Variants in RNF19B observed in about 807,000 individuals in gnomAD.
RNF19B encodes E3 ubiquitin-protein ligase RNF19B.
RNF19B carries 23 observed loss-of-function variants against 65.5 expected under a neutral mutation model. That is an observed-to-expected ratio of 0.35 (90% CI 0.25 to 0.50). The LOEUF (loss-of-function observed/expected upper bound fraction) is 0.50. Ranked by LOEUF, RNF19B falls within the 20% of genes least tolerant of loss-of-function variation. The pLI, the probability that RNF19B is intolerant of heterozygous loss-of-function variation, is 0.98. For synonymous variants in RNF19B, 372 were observed against 379.6 expected (o/e 0.98, Z 0.23); for missense variants, 794 against 980.0 (o/e 0.81, Z 2.53).
At chr1:32,938,586 G>A in intron 7 of RNF19B, 58 bp from the exon 8 acceptor site, 1 of 1,552,208 alleles carries the variant, frequency 6.4e-7, no homozygotes, top group Non-Finnish European at 8.8e-7. Context: ...AAGACAGTCT[G>A]CTTCCTGGCA....
At chr1:32,942,488 A>G (rs1284192050) in intron 6 of RNF19B, 29 bp from the exon 7 acceptor site, 9 of 1,586,770 alleles carry the variant, frequency 5.7e-6, no homozygotes, top group Non-Finnish European at 7.8e-6. Flanking sequence ...ATCCAATTCA[A>G]GACAGCAGAG....
Position 32,944,108 on chromosome 1 carries a change from G to A in RNF19B, c.1313C>T (p.Ser438Phe). The change falls in exon 6 of 9, where the codon TCT (serine) becomes TTT (phenylalanine). Residue 438 changes from serine to phenylalanine, a missense_variant. Around this residue, in one of 3 missense-constraint regions of RNF19B, gnomAD observed 368 missense variants for 447.3 expected, o/e 0.82. Transcript: ENST00000235150. The stretch of plus-strand genomic sequence containing the variant: ...TCCACAGCCGCCTCCACGACAAAGA[G>A]AAATGGGCACAACCCCATAAACATA... The part of the protein sequence containing the change: ...LAYVYGVVPI[S>F]LCRGGGCGVS... 1.2e-6 allele frequency: 2 copies of A among 1,614,050 alleles called. No individual in the cohort carries two copies. The highest frequency in any genetic ancestry group is 1.7e-6 in the Non-Finnish European group (2 of 1,179,970).
chr1:32,936,722 T>C lies in RNF19B; in HGVS notation c.*84A>G, dbSNP rs117807710. The C allele has an allele frequency of 1.7e-4, 226 of 1,315,558 alleles. 1 individual carries two copies. In the East Asian group the frequency reaches 5.2e-3, roughly 30 times the overall value. The allele number at this position is 1,315,558 out of a possible 1,614,324, so 81.5% of individuals were successfully genotyped here. A position where few individuals can be genotyped will look rare whatever the true frequency, so the allele number is the denominator to read the frequency against. ...ATCTGTGAAATAAAATACATAAATCTCTACCCCTTGGAAAAAAAAAAAAAA... is the reference window on the plus strand; with the variant it reads ...ATCTGTGAAATAAAATACATAAATCCCTACCCCTTGGAAAAAAAAAAAAAA... On this transcript the variant is annotated 3_prime_UTR_variant, in exon 9 of 9. Coordinates refer to ENST00000235150, the MANE Select transcript of RNF19B (RefSeq NM_001300826.2).
In RNF19B at chr1:32,962,644, T is replaced by C. The variant is rs139908585; in HGVS notation, c.635+1407A>G. ...GAGATTTCAAAACCACCTTGATATA[T>C]AGGCTACAATTAAAAGTCCTTAACT... On this transcript the variant is annotated intron_variant, in intron 1 of 8. Coordinates refer to ENST00000235150, the MANE Select transcript of RNF19B (RefSeq NM_001300826.2). Among the ~76,000 whole-genome samples the C allele has an allele frequency of 3.3e-5, 5 of 152,310 alleles. No individual in the cohort carries two copies. The East Asian group carries it at 9.6e-4, about 29-fold the overall frequency.
intron 1 of RNF19B, among the ~76,000 whole-genome samples, chr1:32,963,140 A>T (rs1642811168): frequency 6.6e-6 from 1 of 152,088 alleles, no homozygotes; most frequent in African/African-American, 2.4e-5. Flanking sequence ...CAAAGAACAT[A>T]TCTGTCTACC....
chr1:32,944,998 C>T (rs1024024779), intron 5 of RNF19B, among the ~76,000 whole-genome samples: 1 of 152,064 alleles, frequency 6.6e-6, no homozygotes, highest in African/African-American at 2.4e-5. Context: ...AATTACTGCA[C>T]CTTTCTATTA....
chr1:32,937,677 C>G (rs1355479469), intron 8 of RNF19B, among the ~76,000 whole-genome samples: 2 of 151,956 alleles, frequency 1.3e-5, no homozygotes, highest in East Asian at 3.9e-4. Context: ...TCACTGCACT[C>G]CAGCCTGGTT....
chr1:32,948,752 T>C (rs1570100718), intron 2 of RNF19B, among the ~76,000 whole-genome samples: 1 of 152,194 alleles, frequency 6.6e-6, no homozygotes, highest in Non-Finnish European at 1.5e-5. Context: ...AGCTTTACAT[T>C]TTTAAAAACT....
chr1:32,957,933 TTTC>T (rs1167155398), intron 1 of RNF19B, among the ~76,000 whole-genome samples: 1 of 152,228 alleles, frequency 6.6e-6, no homozygotes. Flanking sequence ...GCTGCTCATA[TTTC>T]TTATCTTTTT....
the RNF19B span, among the ~76,000 whole-genome samples, chr1:32,931,328 T>A: frequency 2.6e-5 from 4 of 152,156 alleles, no homozygotes; most frequent in Non-Finnish European, 5.9e-5. Context: ...TCCAGAAGCA[T>A]ACTGGGATCT....
intron 7 of RNF19B, among the ~76,000 whole-genome samples, chr1:32,941,914 G>T (rs1370543128): frequency 2.6e-5 from 4 of 152,104 alleles, no homozygotes; most frequent in Admixed American, 2.6e-4. Flanking sequence ...TAGCTAACAT[G>T]GTGAAACTCC....
chr1:32,941,542 A>AAAAAT (rs71278769), intron 7 of RNF19B, among the ~76,000 whole-genome samples: 27,656 of 151,606 alleles, frequency 0.18, 3,057 homozygotes, highest in East Asian at 0.25. Context: ...TCCGTCTCAA[A>AAAAAT]AAAATAAAAT....
intron 8 of RNF19B, 148 bp from the exon 9 acceptor site, chr1:32,937,407 A>ACAC: frequency 4.9e-6 from 6 of 1,227,586 alleles, no homozygotes; most frequent in Non-Finnish European, 6.9e-6. Context: ...TAACATTTTA[A>ACAC]TCTAACACTC....
downstream of RNF19B, among the ~76,000 whole-genome samples, chr1:32,931,461 G>T (rs1323690582): frequency 6.6e-6 from 1 of 152,176 alleles, no homozygotes; most frequent in Non-Finnish European, 1.5e-5. Flanking sequence ...TCTATAAGGG[G>T]AAGAATGGCT....
intron 1 of RNF19B, among the ~76,000 whole-genome samples, chr1:32,956,134 G>C (rs1324115780): frequency 6.6e-6 from 1 of 152,192 alleles, no homozygotes; most frequent in Non-Finnish European, 1.5e-5. Flanking sequence ...GGGAGGCTGA[G>C]GTGGGTGGAT....
At chr1:32,959,319 C>T (rs908557623) in intron 1 of RNF19B, among the ~76,000 whole-genome samples, 1 of 152,158 alleles carries the variant, frequency 6.6e-6, no homozygotes, top group African/African-American at 2.4e-5. Context: ...AGATCTGCCC[C>T]TGTACACCAG....
chr1:32,954,927 T>C (rs1642599589), intron 1 of RNF19B, among the ~76,000 whole-genome samples: 1 of 152,088 alleles, frequency 6.6e-6, no homozygotes, highest in South Asian at 2.1e-4. Flanking sequence ...CTCTATTCCT[T>C]CTACCTAGAA....
At position 32,936,731 on chromosome 1, in the gene RNF19B, T is replaced by C; in HGVS notation, c.*75A>G. On this transcript the variant is annotated 3_prime_UTR_variant, in exon 9 of 9. Coordinates refer to ENST00000235150, the MANE Select transcript of RNF19B (RefSeq NM_001300826.2). The stretch of plus-strand genomic sequence containing the variant: ...ATAAAATACATAAATCTCTACCCCT[T>C]GGAAAAAAAAAAAAAAAAATTCCAA... The C allele has an allele frequency of 8.3e-7, 1 of 1,202,728 alleles. No homozygotes were observed. The highest frequency in any genetic ancestry group is 1.1e-6 in the Non-Finnish European group (1 of 881,154). 74.5% of individuals were successfully genotyped at this position (1,202,728 alleles called of 1,614,324 possible).
chr1:32,940,466 T>C (rs1642207010), intron 7 of RNF19B, among the ~76,000 whole-genome samples: 1 of 152,208 alleles, frequency 6.6e-6, no homozygotes, highest in East Asian at 1.9e-4. Context: ...ATTGTAAACA[T>C]TTCCAGGGAT....
Sources: gnomAD v4.1 joint callset for allele counts (sites outside exome capture counted in the v4.1 genomes callset) on GRCh38, gnomAD v4.1.1 for gene constraint, gnomAD v4.1.1 regional missense constraint, MANE v1.5 for transcripts, NCBI Gene and HGNC (gene_info 2026-07-23, HGNC 2026-07-21) for gene names.